Variants in PXYLP1 observed in about 807,000 individuals in gnomAD.
PXYLP1 encodes 2-phosphoxylose phosphatase 1, also known as acid phosphatase-like 2.
A neutral mutation model predicts 37.9 loss-of-function variants in PXYLP1; 17 were observed. The observed-to-expected ratio is 0.45, with a 90% CI of 0.31 to 0.67. PXYLP1 has a LOEUF of 0.67. Among genes scored for constraint, PXYLP1 ranks in the 30% least tolerant of loss-of-function variants. The pLI, the probability that PXYLP1 is intolerant of heterozygous loss-of-function variation, is 0.07. For synonymous variants in PXYLP1, 221 were observed against 232.2 expected (o/e 0.95, Z 0.44); for missense variants, 511 against 612.0 (o/e 0.84, Z 1.74).
intron 1 of PXYLP1, among the ~76,000 whole-genome samples, chr3:141,256,370 C>T (rs1452763308): frequency 1.3e-5 from 2 of 152,214 alleles, no homozygotes; most frequent in Non-Finnish European, 2.9e-5. Context: ...GAATTGAACA[C>T]AGATCTGCCT....
At chr3:141,257,514 A>G (rs888784320) in intron 1 of PXYLP1, among the ~76,000 whole-genome samples, 1 of 152,188 alleles carries the variant, frequency 6.6e-6, no homozygotes, top group African/African-American at 2.4e-5. Context: ...TACTGCGACA[A>G]TTTACCATGC....
chr3:141,289,074 T>C (rs1942141256), intron 5 of PXYLP1, among the ~76,000 whole-genome samples: 1 of 152,220 alleles, frequency 6.6e-6, no homozygotes, highest in Admixed American at 6.5e-5. Flanking sequence ...TTCAAATGCT[T>C]GTACCTAAAT....
intron 5 of PXYLP1, among the ~76,000 whole-genome samples, chr3:141,288,969 C>T (rs573208818): frequency 8.5e-5 from 13 of 152,194 alleles, no homozygotes; most frequent in South Asian, 4.1e-4. Flanking sequence ...GGGTCCCCAG[C>T]GATAACAAAT....
At chr3:141,239,763 C>G (rs532107052) in intron 1 of PXYLP1, among the ~76,000 whole-genome samples, 1 of 152,362 alleles carries the variant, frequency 6.6e-6, no homozygotes, top group African/African-American at 2.4e-5. Flanking sequence ...TGCTCACACT[C>G]TCCTGGGACA....
chr3:141,251,428 C>T (rs1276632286), intron 1 of PXYLP1, among the ~76,000 whole-genome samples: 6 of 152,166 alleles, frequency 3.9e-5, no homozygotes, highest in African/African-American at 7.2e-5. Flanking sequence ...CGTCCAATCA[C>T]GACTCATTGG....
At position 141,294,263 on chromosome 3, in the gene PXYLP1, G is replaced by C. The variant is rs1442693225; in HGVS notation, c.*1058G>C. The C allele has an allele frequency of 6.6e-6, 1 of 152,148 alleles. No individual in the cohort carries two copies. The highest frequency in any genetic ancestry group is 1.5e-5 in the Non-Finnish European group (1 of 68,008). The allele number at this position is 152,148 out of a possible 1,614,324, so 9.4% of individuals were successfully genotyped here. ...GTACCTGCTTGGTGGTTAGAAGGAG[G>C]CTAGAAGATGAATTCAGGCACTTTC... On this transcript the variant is annotated 3_prime_UTR_variant, in exon 6 of 6. Transcript: ENST00000286353.
intron 2 of PXYLP1, among the ~76,000 whole-genome samples, chr3:141,266,518 G>C (rs936984920): frequency 2.6e-5 from 4 of 152,148 alleles, no homozygotes; most frequent in African/African-American, 7.2e-5. Flanking sequence ...AACAGCAGCA[G>C]CCAGGGGGTG....
At chr3:141,270,211 G>A (rs1389057684) in intron 2 of PXYLP1, among the ~76,000 whole-genome samples, 1 of 152,354 alleles carries the variant, frequency 6.6e-6, no homozygotes, top group East Asian at 1.9e-4. Context: ...AAACAAGAAA[G>A]GTTGGTGTAT....
At chr3:141,248,023 G>GTTTTTTTTT (rs55888415) in intron 1 of PXYLP1, among the ~76,000 whole-genome samples, 10 of 122,898 alleles carry the variant, frequency 8.1e-5, no homozygotes, top group Non-Finnish European at 9.8e-5. Context: ...TTTTTGTTTT[G>GTTTTTTTTT]TTTTTTTTTT....
At chr3:141,255,845 G>C (rs963802535) in intron 1 of PXYLP1, among the ~76,000 whole-genome samples, 2 of 152,346 alleles carry the variant, frequency 1.3e-5, no homozygotes, top group East Asian at 3.9e-4. Context: ...CACAGTGCCA[G>C]AAAGAGCCAG....
intron 2 of PXYLP1, among the ~76,000 whole-genome samples, chr3:141,268,588 C>G (rs895009047): frequency 5.3e-5 from 8 of 152,152 alleles, no homozygotes; most frequent in Non-Finnish European, 1.0e-4. Context: ...GAGGCAGAGC[C>G]CTGTTATGTA....
Position 141,291,282 on chromosome 3 carries a change from A to G in PXYLP1, c.506-986A>G, listed in dbSNP as rs112551769. On this transcript the variant is annotated intron_variant, in intron 5 of 5. Coordinates refer to ENST00000286353, the MANE Select transcript of PXYLP1 (RefSeq NM_001037172.3). ...GACAGATTGTGTCCCGTTACCTCCTACTACAGGATGAGAGTGAGCTTGTTT... is the reference window on the plus strand; with the variant it reads ...GACAGATTGTGTCCCGTTACCTCCTGCTACAGGATGAGAGTGAGCTTGTTT... Among the ~76,000 whole-genome samples, 505 of 152,188 alleles carry G rather than the reference A, an allele frequency of 3.3e-3. 4 individuals are homozygous for G. The highest frequency in any genetic ancestry group is 0.011 in the African/African-American group (471 of 41,524).
intron 1 of PXYLP1, among the ~76,000 whole-genome samples, chr3:141,247,225 G>A (rs1940980092): frequency 6.6e-6 from 1 of 152,258 alleles, no homozygotes; most frequent in Admixed American, 6.5e-5. Flanking sequence ...TAATGTGAGG[G>A]CTTGAAGTGA....
At chr3:141,254,761 G>C (rs1426030672) in intron 1 of PXYLP1, among the ~76,000 whole-genome samples, 1 of 151,290 alleles carries the variant, frequency 6.6e-6, no homozygotes, top group African/African-American at 2.4e-5. Context: ...AAATAATTCT[G>C]ACCAAAAAAA....
chr3:141,279,367 C>T lies in PXYLP1; in HGVS notation c.239-11C>T. On this transcript the variant is annotated splice_polypyrimidine_tract_variant and intron_variant, in intron 3 of 5. Coordinates refer to ENST00000286353, the MANE Select transcript of PXYLP1 (RefSeq NM_001037172.3). ...TGAGTGATAACCAGACAATGTGCTT[C>T]TCTCGCGCAGGTCATGCCCCGCATC... 6.2e-7 allele frequency: 1 copy of T among 1,614,108 alleles called. No individual in the cohort carries two copies. Among genetic ancestry groups the T allele is most frequent in the South Asian group, 1.1e-5 (1 of 91,074 alleles).
chr3:141,267,851 C>T (rs1941556533), intron 2 of PXYLP1, among the ~76,000 whole-genome samples: 1 of 150,670 alleles, frequency 6.6e-6, no homozygotes, highest in Non-Finnish European at 1.5e-5. Context: ...GTCTCCCTCC[C>T]TCCCTCTGTC....
chr3:141,262,855 C>CT (rs1428351459), intron 2 of PXYLP1: 78 of 625,640 alleles, frequency 1.2e-4, no homozygotes, highest in Non-Finnish European at 1.8e-4. Flanking sequence ...ACAGGTTTCG[C>CT]TTATATACCA....
chr3:141,270,872 G>A (rs1941645835), intron 2 of PXYLP1, among the ~76,000 whole-genome samples: 1 of 152,160 alleles, frequency 6.6e-6, no homozygotes, highest in African/African-American at 2.4e-5. Flanking sequence ...CCAGGGGATG[G>A]ATGTAGAAAA....
At chr3:141,254,015 G>T (rs963980877) in intron 1 of PXYLP1, among the ~76,000 whole-genome samples, 1 of 152,016 alleles carries the variant, frequency 6.6e-6, no homozygotes, top group Non-Finnish European at 1.5e-5. Context: ...GGGCTCAAGC[G>T]ATTCTCATGC....
Sources: gnomAD v4.1 joint callset for allele counts (sites outside exome capture counted in the v4.1 genomes callset) on GRCh38, gnomAD v4.1.1 for gene constraint, MANE v1.5 for transcripts, NCBI Gene and HGNC (gene_info 2026-07-23, HGNC 2026-07-21) for gene names.